The following DECR1 variants were observed in gnomAD, a reference collection of about 807,000 sequenced individuals.
DECR1 encodes 2,4-dienoyl-CoA reductase [(3E)-enoyl-CoA-producing], mitochondrial.
Under a neutral mutation model 38.8 loss-of-function variants are expected in DECR1, and 44 were observed. The observed-to-expected ratio is 1.13, with a 90% CI of 0.89 to 1.46. The LOEUF is 1.46. DECR1 is among the 40% of genes most tolerant of loss of function. DECR1 has a pLI of 0.00. For synonymous variants in DECR1, 148 were observed against 135.2 expected, an observed-to-expected ratio of 1.09 and a Z score of -0.66; for missense variants, 428 against 405.5, an observed-to-expected ratio of 1.06 and a Z score of -0.48.
rs769450845 is a variant in DECR1 at position 90,017,191 on chromosome 8, C to G, written c.137C>G (p.Pro46Arg). 6.2e-7 allele frequency: 1 copy of G among 1,613,992 alleles called. No homozygotes were observed. The highest frequency in any genetic ancestry group is 8.5e-7 in the Non-Finnish European group (1 of 1,179,934). The change falls in exon 2 of 10, where the codon CCT (proline) becomes CGT (arginine). Residue 46 changes from proline (P) to arginine (R), a missense_variant. Physicochemically the swap from Pro to Arg is moderately radical, Grantham distance 103. Transcript: ENST00000220764. ...GCTTTGCAATCTAAATTCTTTTCAC[C>G]TCTTCAAAAAGCGATGCTACCACCT... ...TEALQSKFFS[P>R]LQKAMLPPNS...
intron 1 of DECR1, among the ~76,000 whole-genome samples, chr8:90,008,458 A>G (rs1329069836): frequency 6.6e-6 from 1 of 152,150 alleles, no homozygotes; most frequent in Non-Finnish European, 1.5e-5. Context: ...TTTAAATCTT[A>G]ATTTTTCTAG....
chr8:90,002,995 GAGA>G (rs1397027369), intron 1 of DECR1: 1 of 152,186 alleles, frequency 6.6e-6, no homozygotes, highest in African/African-American at 2.4e-5. Flanking sequence ...AATACAGTTT[GAGA>G]AGGAGAAAAT....
intron 1 of DECR1, chr8:90,005,391 G>T (rs886202977): frequency 3.9e-5 from 18 of 456,182 alleles, no homozygotes; most frequent in Non-Finnish European, 7.5e-5. Flanking sequence ...CGCATGTTAG[G>T]TTGGGTGTTC....
At chr8:90,051,442 C>T (rs145962565) in intron 8 of DECR1, among the ~76,000 whole-genome samples, 74 of 152,146 alleles carry the variant, frequency 4.9e-4, no homozygotes, top group Non-Finnish European at 8.5e-4. Flanking sequence ...GGTAGATATA[C>T]CTTTAAGATG....
At chr8:90,030,917 A>T (rs1319369152) in intron 5 of DECR1, among the ~76,000 whole-genome samples, 2 of 152,042 alleles carry the variant, frequency 1.3e-5, no homozygotes, top group Admixed American at 6.6e-5. Flanking sequence ...GGAGAGTTCA[A>T]CCTCATCTGT....
At chr8:90,029,198 T>C (rs1813431527) in intron 5 of DECR1, 1 of 152,172 alleles carries the variant, frequency 6.6e-6, no homozygotes, top group South Asian at 2.1e-4. Context: ...AAAATATACT[T>C]GATAATAAAT....
chr8:90,015,232 T>C (rs1812980003), intron 1 of DECR1, among the ~76,000 whole-genome samples: 1 of 152,200 alleles, frequency 6.6e-6, no homozygotes, highest in African/African-American at 2.4e-5. Context: ...GGGTGGACTC[T>C]GAAGTCAGAC....
chr8:90,027,430 G>A (rs1377345999), intron 5 of DECR1, among the ~76,000 whole-genome samples: 1 of 152,104 alleles, frequency 6.6e-6, no homozygotes, highest in Non-Finnish European at 1.5e-5. Flanking sequence ...TATATGTTTA[G>A]GATAGTTAGC....
In DECR1 at chr8:90,017,138, G is replaced by A. The variant is rs778945076; in HGVS notation, c.84G>A (p.Gly28=). The change falls in exon 2 of 10, where the codon GGG becomes GGA. Residue 28 remains glycine (G), a synonymous_variant. Transcript: ENST00000220764. ...GLAPRRFFSY[G]TKILYQNTEA... ...TCCCCTTTTAGTTTTTCAGTTATGG[G>A]ACAAAAATATTATATCAAAACACTG... The A allele has an allele frequency of 6.2e-7, 1 of 1,612,550 alleles. No individual in the cohort carries two copies. Among genetic ancestry groups the A allele is most frequent in the South Asian group, 1.1e-5 (1 of 90,822 alleles).
rs1381757422 is a variant in DECR1, at chr8:90,052,172, G to A, written c.*275G>A. 5.5e-6 allele frequency: 2 copies of A among 363,008 alleles called. No individual in the cohort carries two copies. The highest frequency in any genetic ancestry group is 2.1e-5 in the African/African-American group (1 of 47,144). 22.5% of individuals were successfully genotyped at this position (363,008 alleles called of 1,614,324 possible). ...TGATAGAGGTAAAAAGTACTTAGAA[G>A]TGCAGAGAGAACAGATCTTTGTGAC... On this transcript the variant is annotated 3_prime_UTR_variant, in exon 10 of 10. Coordinates refer to ENST00000220764, the MANE Select transcript of DECR1 (RefSeq NM_001359.2).
intron 1 of DECR1, among the ~76,000 whole-genome samples, chr8:90,009,290 A>G (rs1812824445): frequency 6.6e-6 from 1 of 151,938 alleles, no homozygotes; most frequent in Non-Finnish European, 1.5e-5. Flanking sequence ...CCTGTGATTC[A>G]TTCTTCTCCT....
intron 5 of DECR1, among the ~76,000 whole-genome samples, chr8:90,029,054 T>C (rs1275767974): frequency 2.0e-5 from 3 of 152,004 alleles, no homozygotes; most frequent in Non-Finnish European, 4.4e-5. Flanking sequence ...AAAAATTAGT[T>C]GTTGTAAGTG....
intron 1 of DECR1, among the ~76,000 whole-genome samples, chr8:90,003,462 C>G (rs1812666160): frequency 6.6e-6 from 1 of 152,174 alleles, no homozygotes; most frequent in African/African-American, 2.4e-5. Flanking sequence ...GAGCCCTGCT[C>G]TCAACTGTTC....
intron 1 of DECR1, among the ~76,000 whole-genome samples, chr8:90,004,717 C>T (rs191902052): frequency 9.9e-5 from 15 of 152,252 alleles, no homozygotes; most frequent in African/African-American, 2.9e-4. Flanking sequence ...AATATAAGCT[C>T]TATGCAGGCA....
intron 1 of DECR1, chr8:90,006,337 G>T: frequency 1.4e-6 from 1 of 703,992 alleles, no homozygotes; most frequent in Non-Finnish European, 2.6e-6. Flanking sequence ...AGACCTGAAA[G>T]ATGAGTAGGA....
chr8:90,019,173 G>T lies in DECR1; in HGVS notation c.417+1G>T, dbSNP rs757613642. 3 of 1,613,416 alleles carry T rather than the reference G, an allele frequency of 1.9e-6. No homozygotes were observed. Among genetic ancestry groups the T allele is most frequent in the South Asian group, 2.2e-5 (2 of 91,052 alleles). On this transcript the variant is annotated splice_donor_variant, in intron 4 of 9. Transcript: ENST00000220764. LOFTEE classifies it high-confidence loss of function. ...GATCAAAGTTGCAGGACATCCTAAT[G>T]TAAGTGTAGCAATGATGAAGCCAAA...
chr8:90,019,871 A>G (rs1813106979), intron 4 of DECR1, among the ~76,000 whole-genome samples: 1 of 152,240 alleles, frequency 6.6e-6, no homozygotes, highest in Non-Finnish European at 1.5e-5. Context: ...GAATCCATTT[A>G]TGATTGATCA....
intron 6 of DECR1, among the ~76,000 whole-genome samples, chr8:90,039,759 T>A (rs975734887): frequency 6.6e-6 from 1 of 152,136 alleles, no homozygotes; most frequent in African/African-American, 2.4e-5. Flanking sequence ...ATCACACAAT[T>A]CCCAGCCTAG....
intron 1 of DECR1, among the ~76,000 whole-genome samples, chr8:90,001,780 G>A (rs1812618642): frequency 6.6e-6 from 1 of 150,826 alleles, no homozygotes; most frequent in African/African-American, 2.4e-5. Context: ...AGCGAGGACA[G>A]GGTGTCCCGG....
Sources: allele counts gnomAD v4.1 joint callset (sites outside exome capture counted in the v4.1 genomes callset), GRCh38; gene constraint gnomAD v4.1.1; transcripts MANE v1.5; gene names NCBI Gene and HGNC (gene_info 2026-07-23, HGNC 2026-07-21).